SCARB2: variants seen among roughly 807,000 people sequenced by gnomAD.
The protein encoded by SCARB2 is lysosome membrane protein 2.
SCARB2 carries 29 observed loss-of-function variants against 58.6 expected under a neutral mutation model. The ratio of observed to expected loss-of-function variants is 0.49; its 90% CI spans 0.37 to 0.67. The LOEUF is 0.67. Ranked by LOEUF, SCARB2 falls within the 30% of genes least tolerant of loss-of-function variation. SCARB2 has a pLI of 0.00. For synonymous variants in SCARB2, 195 were observed against 210.1 expected, an observed-to-expected ratio of 0.93 and a Z score of 0.62; for missense variants, 488 against 578.5, an observed-to-expected ratio of 0.84 and a Z score of 1.60.
At chr4:76,197,808 G>A (rs1032084307) in intron 1 of SCARB2, among the ~76,000 whole-genome samples, 2 of 152,214 alleles carry the variant, frequency 1.3e-5, no homozygotes, top group Admixed American at 1.3e-4. Context: ...GGATTAGGAG[G>A]AGTCTTCCAC....
chr4:76,161,710 T>C lies in SCARB2; in HGVS notation c.*3A>G, dbSNP rs371479336. On this transcript the variant is annotated 3_prime_UTR_variant, in exon 12 of 12. Coordinates refer to ENST00000264896, the MANE Select transcript of SCARB2 (RefSeq NM_005506.4). ...CAGTTTCTTCACCAAGCAAAGGCAA[T>C]GTTTAGGTTCGAATGAGGGGTGCTC... 8.1e-6 allele frequency: 13 copies of C among 1,614,074 alleles called. No individual in the cohort carries two copies. The highest frequency in any genetic ancestry group is 1.6e-4 in the Middle Eastern group (1 of 6,062).
Position 76,161,493 on chromosome 4 carries a change from A to G in SCARB2, c.*220T>C. 1 of 597,840 alleles carries G rather than the reference A, an allele frequency of 1.7e-6. No homozygotes were observed. The highest frequency in any genetic ancestry group is 3.0e-6 in the Non-Finnish European group (1 of 335,032). The allele number at this position is 597,840 out of a possible 1,614,324, so 37.0% of individuals were successfully genotyped here. A position where few individuals can be genotyped will look rare whatever the true frequency, so the allele number is the denominator to read the frequency against. On this transcript the variant is annotated 3_prime_UTR_variant, in exon 12 of 12. Coordinates refer to ENST00000264896, the MANE Select transcript of SCARB2 (RefSeq NM_005506.4). ...TATTAAATACTTGCTAGACACATAA[A>G]AGAACAATTTCAGAGCCCACATGAT...
At chr4:76,173,956 C>A (rs1270709466) in intron 7 of SCARB2, 188 bp downstream of exon 7, 2 of 671,116 alleles carry the variant, frequency 3.0e-6, no homozygotes, top group Non-Finnish European at 5.3e-6. Context: ...TTTTTAGAGA[C>A]AGTGGTCTCG....
chr4:76,184,465 A>G (rs896723179), intron 2 of SCARB2, among the ~76,000 whole-genome samples: 1 of 152,196 alleles, frequency 6.6e-6, no homozygotes, highest in African/African-American at 2.4e-5. Flanking sequence ...TTGTTAGACA[A>G]CCATTCCGCT....
At chr4:76,227,886 T>A (rs1205675918) in intron 1 of SCARB2, among the ~76,000 whole-genome samples, 1 of 152,236 alleles carries the variant, frequency 6.6e-6, no homozygotes, top group Non-Finnish European at 1.5e-5. Context: ...TAGAATATCT[T>A]TTTCTAGCCC....
chr4:76,188,209 C>T (rs868067646), intron 2 of SCARB2, among the ~76,000 whole-genome samples: 2 of 152,114 alleles, frequency 1.3e-5, no homozygotes, highest in Non-Finnish European at 2.9e-5. Context: ...CTGCAGAAGC[C>T]ATGGGATACC....
chr4:76,183,241 AT>A, intron 2 of SCARB2, among the ~76,000 whole-genome samples: 1 of 152,276 alleles, frequency 6.6e-6, no homozygotes, highest in South Asian at 2.1e-4. Context: ...CTCTGCACCA[AT>A]AATTCTGCAG....
intron 1 of SCARB2, among the ~76,000 whole-genome samples, chr4:76,220,156 G>C (rs1733283447): frequency 6.6e-6 from 1 of 152,006 alleles, no homozygotes. Flanking sequence ...TCTCTTCCTA[G>C]GTATATAACC....
chr4:76,196,182 G>T (rs958624423), intron 1 of SCARB2, among the ~76,000 whole-genome samples: 2 of 152,142 alleles, frequency 1.3e-5, no homozygotes, highest in Admixed American at 6.5e-5. Context: ...GTGAAACCCC[G>T]TCTCTACTAA....
intron 2 of SCARB2, among the ~76,000 whole-genome samples, chr4:76,189,539 G>A (rs1357661913): frequency 6.6e-6 from 1 of 152,136 alleles, no homozygotes; most frequent in Non-Finnish European, 1.5e-5. Context: ...CTGGCATTCG[G>A]TGGCGTGATC....
chr4:76,179,687 G>A lies in SCARB2; in HGVS notation c.442C>T (p.Gln148Ter). Residue 148 changes from glutamine (Q) to a stop codon, truncating the protein, a stop_gained, in exon 4 of 12, where the codon CAG (glutamine) becomes TAG (stop). Transcript: ENST00000264896. LOFTEE classifies it high-confidence loss of function. ...IPVLTVIEWS[Q>*]VHFLREIIEA... ...ATGATCTCCCTGAGGAAGTGCACCTGGGACCACTCTATGACAGTCTGCGGA... is the reference window on the plus strand; with the variant it reads ...ATGATCTCCCTGAGGAAGTGCACCTAGGACCACTCTATGACAGTCTGCGGA... The A allele has an allele frequency of 6.2e-7, 1 of 1,613,786 alleles. No homozygotes were observed. Among genetic ancestry groups the A allele is most frequent in the Non-Finnish European group, 8.5e-7 (1 of 1,179,856 alleles).
intron 1 of SCARB2, among the ~76,000 whole-genome samples, chr4:76,233,732 C>T (rs997811210): frequency 6.6e-6 from 1 of 152,078 alleles, no homozygotes; most frequent in African/African-American, 2.4e-5. Context: ...CAGGCTCATC[C>T]CCTAAGGCAG....
At chr4:76,206,159 G>A (rs541394926) in intron 1 of SCARB2, among the ~76,000 whole-genome samples, 185 of 152,258 alleles carry the variant, frequency 1.2e-3, no homozygotes, top group African/African-American at 4.0e-3. Context: ...CATAATCTAT[G>A]AGGCAGTGGA....
At chr4:76,179,404 A>T in intron 4 of SCARB2, 113 bp downstream of exon 4, 1 of 819,926 alleles carries the variant, frequency 1.2e-6, no homozygotes, top group East Asian at 2.5e-5. Flanking sequence ...ACACTCTATA[A>T]GATAACTTAA....
chr4:76,204,388 T>C (rs1732888548), intron 1 of SCARB2, among the ~76,000 whole-genome samples: 1 of 152,236 alleles, frequency 6.6e-6, no homozygotes, highest in Admixed American at 6.5e-5. Context: ...TTTTAACTAA[T>C]GAGCTCTGAT....
In SCARB2 at chr4:76,179,612, CTG is replaced by C. The variant is rs1455531090; in HGVS notation, c.515_516del (p.Thr172SerfsTer2). On this transcript the variant is annotated frameshift_variant, in exon 4 of 12. Transcript: ENST00000264896. LOFTEE classifies it high-confidence loss of function. ...TTGTAGCCCCAGAGCAATTCGTCAA[CTG>C]TGTGAGTCACAAAGAGCTTCTGCTG... ...AYQQKLFVTH[T>X]VDELLWGYKD... is the part of the protein sequence containing the mutation. 6.2e-7 allele frequency: 1 copy of C among 1,614,048 alleles called. No homozygotes were observed. The highest frequency in any genetic ancestry group is 8.5e-7 in the Non-Finnish European group (1 of 1,179,876).
chr4:76,170,713 T>A (rs1408972633), intron 7 of SCARB2, among the ~76,000 whole-genome samples: 1 of 151,824 alleles, frequency 6.6e-6, no homozygotes. Flanking sequence ...AGAGACAGCG[T>A]TTCACCATGT....
intron 9 of SCARB2, 46 bp from the exon 10 acceptor site, chr4:76,166,347 A>G (rs778900107): frequency 2.4e-5 from 37 of 1,555,290 alleles, no homozygotes; most frequent in Non-Finnish European, 3.3e-5. Context: ...TCCTCATCAC[A>G]ATGGCACACT....
chr4:76,176,681 C>T (rs1732257962), intron 4 of SCARB2, 153 bp from the exon 5 acceptor site: 1 of 612,392 alleles, frequency 1.6e-6, no homozygotes, highest in South Asian at 2.0e-5. Context: ...AATCCGTTAA[C>T]TTTAAGGGAG....
Sources: gnomAD v4.1 joint callset for allele counts (sites outside exome capture counted in the v4.1 genomes callset) on GRCh38, gnomAD v4.1.1 for gene constraint, MANE v1.5 for transcripts, NCBI Gene and HGNC (gene_info 2026-07-23, HGNC 2026-07-21) for gene names.